The following TTC6 variants were observed in gnomAD, a reference collection of about 807,000 sequenced individuals.
The protein encoded by TTC6 is tetratricopeptide repeat domain 6, also known as tetratricopeptide repeat protein 6.
TTC6 carries 172 observed loss-of-function variants against 210.4 expected under a neutral mutation model. The ratio of observed to expected loss-of-function variants is 0.82; its 90% confidence interval spans 0.72 to 0.93. The LOEUF (loss-of-function observed/expected upper bound fraction) is 0.93. Among genes scored for constraint, TTC6 ranks in the 40% least tolerant of loss-of-function variants. TTC6 has a pLI of 0.00. For missense variants in TTC6, 2,414 were observed against 2,318.1 expected, an observed-to-expected ratio of 1.04 and a Z score of -0.85; for synonymous variants, 804 against 819.6, an observed-to-expected ratio of 0.98 and a Z score of 0.32.
intron 17 of TTC6, among the ~76,000 whole-genome samples, chr14:37,793,914 A>C (rs1439209685): frequency 1.3e-5 from 2 of 152,206 alleles, no homozygotes; most frequent in Non-Finnish European, 2.9e-5. Flanking sequence ...GGCTCACAAA[A>C]GAGTGTGAAG....
At chr14:37,625,007 T>G (rs891747692) in intron 1 of TTC6, among the ~76,000 whole-genome samples, 1 of 152,232 alleles carries the variant, frequency 6.6e-6, no homozygotes. Context: ...TAGAATCAAG[T>G]GTATCTTGGA....
chr14:37,598,848 C>T lies in TTC6; in HGVS notation c.-235+2840C>T. Among the ~76,000 whole-genome samples, 1 of 152,212 alleles carries T rather than the reference C, an allele frequency of 6.6e-6. No homozygotes were observed. The highest frequency in any genetic ancestry group is 1.9e-4 in the East Asian group (1 of 5,172). On this transcript the variant is annotated intron_variant, in intron 1 of 2. Transcript: ENST00000556845. This position sits in a 1 kb window ranked among gnomAD's most constrained non-coding sequence, Gnocchi z 4.9. ...CTGCCCCCTTTCCTTGCCTACCCTT[C>T]CCTGGACGGGGTTGTTGTCAGGTGA... is the stretch of plus-strand genomic sequence containing the variant.
At chr14:37,757,543 G>T (rs1426782659) in intron 14 of TTC6, among the ~76,000 whole-genome samples, 4 of 152,098 alleles carry the variant, frequency 2.6e-5, no homozygotes, top group African/African-American at 4.8e-5. Context: ...AAAATGCTGG[G>T]ATTACAGGCA....
chr14:37,744,409 T>C (rs2095929840), intron 10 of TTC6, among the ~76,000 whole-genome samples: 1 of 152,200 alleles, frequency 6.6e-6, no homozygotes. Context: ...CAGAAGCCTC[T>C]ATAAGGTAGT....
At chr14:37,791,464 A>G (rs2096079171) in intron 16 of TTC6, among the ~76,000 whole-genome samples, 1 of 152,136 alleles carries the variant, frequency 6.6e-6, no homozygotes, top group Non-Finnish European at 1.5e-5. Context: ...AAGAGTAACT[A>G]ATCATGCCAA....
chr14:37,663,207 G>T (rs1251441834), intron 1 of TTC6, among the ~76,000 whole-genome samples: 1 of 152,038 alleles, frequency 6.6e-6, no homozygotes, highest in Non-Finnish European at 1.5e-5. Context: ...CATGACTGTT[G>T]TTGGTGATTT....
chr14:37,629,135 C>A (rs1193146362), intron 1 of TTC6, among the ~76,000 whole-genome samples: 1 of 152,016 alleles, frequency 6.6e-6, no homozygotes, highest in Admixed American at 6.6e-5. Flanking sequence ...TTTTCTAGTT[C>A]TTTGAAGAAA....
At position 37,768,967 on chromosome 14, in the gene TTC6, A is replaced by T. The variant is rs566771278; in HGVS notation, c.3266+15732A>T. ...CATAGATAGCTCTTATTATTTTGAA[A>T]TACGTCCCATCAATACCTAATTTAT... is the stretch of plus-strand genomic sequence containing the variant. On this transcript the variant is annotated intron_variant, in intron 14 of 30. Coordinates refer to ENST00000553443, the Ensembl canonical transcript of TTC6. 2.6e-5 allele frequency among the ~76,000 whole-genome samples: 4 copies of T among 152,106 alleles called. No homozygotes were observed. In the South Asian group the frequency reaches 8.3e-4, roughly 32 times the overall value.
At chr14:37,807,197 A>G in intron 22 of TTC6, 123 bp from the exon 25 acceptor site, 1 of 922,334 alleles carries the variant, frequency 1.1e-6, no homozygotes, top group Non-Finnish European at 1.4e-6. Flanking sequence ...AAAATTTTAA[A>G]AAGACTATAT....
intron 1 of TTC6, among the ~76,000 whole-genome samples, chr14:37,665,738 C>G (rs964333758): frequency 1.3e-5 from 2 of 150,520 alleles, no homozygotes. Context: ...AGAACACAAG[C>G]AAGTTAAGCA....
chr14:37,632,621 T>G (rs2095672001), intron 1 of TTC6, among the ~76,000 whole-genome samples: 1 of 152,230 alleles, frequency 6.6e-6, no homozygotes, highest in Non-Finnish European at 1.5e-5. Flanking sequence ...GGAGGCTGTC[T>G]GTCCCTTAGC....
chr14:37,828,728 T>C (rs1284176198), intron 29 of TTC6, among the ~76,000 whole-genome samples: 1 of 148,940 alleles, frequency 6.7e-6, no homozygotes, highest in African/African-American at 2.6e-5. Flanking sequence ...AACATTGTTT[T>C]GAATATGTCA....
rs1000850299 is a variant in TTC6 at position 37,714,177 on chromosome 14, C to T, written c.1572-478C>T. On this transcript the variant is annotated intron_variant, in intron 5 of 30. Coordinates refer to ENST00000553443, the Ensembl canonical transcript of TTC6. ...CATATATATTCTCATGTATATGTAG[C>T]TTGTAGCCTAGAAGAAAGACTTGAT... Among the ~76,000 whole-genome samples, 5 of 152,022 alleles carry T rather than the reference C, an allele frequency of 3.3e-5. No individual in the cohort carries two copies. In the East Asian group the frequency reaches 9.7e-4, roughly 29 times the overall value.
chr14:37,793,059 G>C (rs1224685153), intron 17 of TTC6, among the ~76,000 whole-genome samples: 2 of 152,110 alleles, frequency 1.3e-5, no homozygotes, highest in African/African-American at 4.8e-5. Context: ...CTTCAAAGTA[G>C]ACACCCATTT....
chr14:37,707,293 A>G (rs529637613), intron 5 of TTC6, among the ~76,000 whole-genome samples: 54 of 152,204 alleles, frequency 3.5e-4, no homozygotes, highest in African/African-American at 1.3e-3. Flanking sequence ...ATATGCAAAT[A>G]TAGTACACTA....
At chr14:37,744,760 T>G (rs1337679955) in intron 10 of TTC6, among the ~76,000 whole-genome samples, 1 of 152,006 alleles carries the variant, frequency 6.6e-6, no homozygotes, top group Admixed American at 6.6e-5. Context: ...ACACTGGGAG[T>G]TGGGAGCAGT....
At chr14:37,692,529 G>C (rs1397322625) in intron 3 of TTC6, among the ~76,000 whole-genome samples, 1 of 152,000 alleles carries the variant, frequency 6.6e-6, no homozygotes, top group Non-Finnish European at 1.5e-5. Flanking sequence ...GTCAAAAACT[G>C]GGTATAGAAG....
chr14:37,795,389 T>G (rs1247375675), intron 18 of TTC6, 37 bp downstream of exon 20: 1 of 1,381,354 alleles, frequency 7.2e-7, no homozygotes, highest in Admixed American at 2.2e-5. Context: ...TTGGGATAAC[T>G]TAGCATCAGA....
chr14:37,634,289 CAAA>C (rs1015995764), intron 1 of TTC6, among the ~76,000 whole-genome samples: 1 of 151,766 alleles, frequency 6.6e-6, no homozygotes, highest in Admixed American at 6.6e-5. Flanking sequence ...AAAAAAAAAT[CAAA>C]GAAGAACCAA....
Sources: gnomAD v4.1 joint callset for allele counts (sites outside exome capture counted in the v4.1 genomes callset) on GRCh38, gnomAD v4.1.1 for gene constraint, Gnocchi (gnomAD v3.1) non-coding constraint, MANE v1.5 for transcripts, NCBI Gene and HGNC (gene_info 2026-07-23, HGNC 2026-07-21) for gene names.